CCSER1: variants seen among roughly 807,000 people sequenced by gnomAD.
CCSER1 encodes the protein coiled-coil serine rich protein 1, also known as serine-rich coiled-coil domain-containing protein 1.
In CCSER1, 41 loss-of-function variants were observed where a neutral mutation model predicts 82.0. The ratio of observed to expected loss-of-function variants is 0.50; its 90% confidence interval spans 0.39 to 0.65. The LOEUF (loss-of-function observed/expected upper bound fraction) is 0.65. Ranked by LOEUF, CCSER1 falls within the 30% of genes least tolerant of loss-of-function variation. The pLI, the probability that CCSER1 is intolerant of heterozygous loss-of-function variation, is 0.00. For synonymous variants in CCSER1, 414 were observed against 383.9 expected, an observed-to-expected ratio of 1.08 and a Z score of -0.92; for missense variants, 1,119 against 1,064.2, an observed-to-expected ratio of 1.05 and a Z score of -0.72.
chr4:90,550,573 G>GT (rs1347304789), intron 5 of CCSER1, among the ~76,000 whole-genome samples: 1 of 152,138 alleles, frequency 6.6e-6, no homozygotes, highest in Admixed American at 6.5e-5. Flanking sequence ...AGGCAAACAA[G>GT]TTTTTGTGAA....
At chr4:90,817,800 T>C (rs1759214217) in intron 8 of CCSER1, among the ~76,000 whole-genome samples, 1 of 152,152 alleles carries the variant, frequency 6.6e-6, no homozygotes, top group African/African-American at 2.4e-5. Context: ...GCCAATCATG[T>C]AGGCCAATAC....
At chr4:90,265,626 T>C (rs1725099597) in intron 1 of CCSER1, among the ~76,000 whole-genome samples, 1 of 152,034 alleles carries the variant, frequency 6.6e-6, no homozygotes, top group South Asian at 2.1e-4. Flanking sequence ...ATTTCCCAAT[T>C]ATTACAAAAT....
At chr4:90,474,578 A>T (rs1764814038) in intron 5 of CCSER1, among the ~76,000 whole-genome samples, 1 of 152,198 alleles carries the variant, frequency 6.6e-6, no homozygotes, top group African/African-American at 2.4e-5. Context: ...GAAAGTTTGA[A>T]ATCAGCCATG....
At chr4:91,379,385 C>A (rs553335308) in intron 10 of CCSER1, among the ~76,000 whole-genome samples, 18 of 151,846 alleles carry the variant, frequency 1.2e-4, no homozygotes, top group African/African-American at 3.9e-4. Flanking sequence ...TGGTCCTGGA[C>A]TTTTTTTTGG....
chr4:90,877,974 G>A (rs1201321197), intron 8 of CCSER1, among the ~76,000 whole-genome samples: 2 of 152,134 alleles, frequency 1.3e-5, no homozygotes, highest in African/African-American at 4.8e-5. Context: ...TGTCCAGCAA[G>A]CTTCCATTTT....
In CCSER1 at chr4:90,591,993, A is replaced by G. The variant is rs146345441; in HGVS notation, c.1725-36032A>G. Among the ~76,000 whole-genome samples the G allele has an allele frequency of 2.9e-3, 438 of 152,186 alleles. 3 individuals are homozygous for G. Among genetic ancestry groups the G allele is most frequent in the African/African-American group, 0.01 (427 of 41,528 alleles). On this transcript the variant is annotated intron_variant, in intron 5 of 10. Transcript: ENST00000509176. ...AGTGGGAGTTGAACAATGAGAACAC[A>G]TGGGCACAGGGAGGGAAACATTACA...
chr4:90,354,818 C>T (rs1283490294), intron 3 of CCSER1, among the ~76,000 whole-genome samples: 1 of 151,616 alleles, frequency 6.6e-6, no homozygotes, highest in East Asian at 1.9e-4. Context: ...CCTAGTGGAA[C>T]GATTCTATCT....
At chr4:90,894,688 T>G (rs1260014124) in intron 8 of CCSER1, among the ~76,000 whole-genome samples, 1 of 151,902 alleles carries the variant, frequency 6.6e-6, no homozygotes, top group African/African-American at 2.4e-5. Flanking sequence ...TCTCCTCTTT[T>G]CCCTTCTCTT....
At chr4:90,499,142 GTGTT>G (rs1217311266) in intron 5 of CCSER1, among the ~76,000 whole-genome samples, 2 of 151,876 alleles carry the variant, frequency 1.3e-5, no homozygotes, top group South Asian at 2.1e-4. Context: ...GCATATGTGT[GTGTT>G]TGTGTGTATT....
chr4:90,966,008 C>A (rs1453087181), intron 9 of CCSER1, among the ~76,000 whole-genome samples: 1 of 151,856 alleles, frequency 6.6e-6, no homozygotes, highest in Non-Finnish European at 1.5e-5. Context: ...TATATTTGAG[C>A]AGGCAAATAA....
At chr4:91,157,386 T>A (rs1157488717) in intron 10 of CCSER1, among the ~76,000 whole-genome samples, 3 of 151,994 alleles carry the variant, frequency 2.0e-5, no homozygotes, top group Non-Finnish European at 4.4e-5. Flanking sequence ...TTCAGATGAG[T>A]AAGACAGCCT....
intron 9 of CCSER1, among the ~76,000 whole-genome samples, chr4:90,970,533 A>C (rs1264797844): frequency 6.6e-6 from 1 of 152,038 alleles, no homozygotes; most frequent in African/African-American, 2.4e-5. Flanking sequence ...TCAACATTGA[A>C]TATATCATCT....
intron 1 of CCSER1, among the ~76,000 whole-genome samples, chr4:90,233,520 G>A (rs1357829152): frequency 3.3e-5 from 5 of 151,914 alleles, no homozygotes; most frequent in African/African-American, 1.2e-4. Context: ...TATACCTAAC[G>A]CTAGATGATG....
At chr4:90,740,959 C>T (rs1746460020) in intron 7 of CCSER1, among the ~76,000 whole-genome samples, 1 of 152,052 alleles carries the variant, frequency 6.6e-6, no homozygotes, top group Non-Finnish European at 1.5e-5. Context: ...TAAGGTTTCA[C>T]TTTGTGTATC....
At chr4:90,910,065 G>A (rs1054826380) in intron 8 of CCSER1, among the ~76,000 whole-genome samples, 31 of 152,248 alleles carry the variant, frequency 2.0e-4, no homozygotes, top group African/African-American at 7.5e-4. Flanking sequence ...GGAAGGAGAA[G>A]GGGAAGTAAG....
chr4:90,621,757 C>CTTTTACTAGT (rs1324989663), intron 5 of CCSER1, among the ~76,000 whole-genome samples: 1 of 152,140 alleles, frequency 6.6e-6, no homozygotes, highest in Admixed American at 6.5e-5. Flanking sequence ...ATTATTCCAG[C>CTTTTACTAGT]AGGTAGTTAA....
At chr4:91,376,965 G>C (rs576876057) in intron 10 of CCSER1, among the ~76,000 whole-genome samples, 297 of 137,912 alleles carry the variant, frequency 2.2e-3, no homozygotes, top group Non-Finnish European at 3.7e-3. Flanking sequence ...TGTCCTCATT[G>C]TTCAATTCCC....
At chr4:90,176,905 A>G (rs1374954968) in intron 1 of CCSER1, among the ~76,000 whole-genome samples, 2 of 152,074 alleles carry the variant, frequency 1.3e-5, no homozygotes, top group African/African-American at 2.4e-5. Flanking sequence ...GTTGCAAGTC[A>G]TATTCCCCTA....
chr4:90,832,602 G>T (rs114801819), intron 8 of CCSER1, among the ~76,000 whole-genome samples: 1 of 151,992 alleles, frequency 6.6e-6, no homozygotes, highest in East Asian at 1.9e-4. Context: ...TTTTTTATCA[G>T]TCATTAAGCA....
Sources: gnomAD v4.1 joint callset for allele counts (sites outside exome capture counted in the v4.1 genomes callset) on GRCh38, gnomAD v4.1.1 for gene constraint, MANE v1.5 for transcripts, NCBI Gene and HGNC (gene_info 2026-07-23, HGNC 2026-07-21) for gene names.